ZNF362: variants seen among roughly 807,000 people sequenced by gnomAD.
ZNF362 encodes the protein zinc finger protein 362.
In ZNF362, 11 loss-of-function variants were observed where a neutral mutation model predicts 42.9. The observed-to-expected ratio is 0.26, with a 90% CI of 0.16 to 0.42. The LOEUF is 0.42. Among genes scored for constraint, ZNF362 ranks in the 20% least tolerant of loss-of-function variants. The pLI is 1.00. For missense variants in ZNF362, 362 were observed against 576.2 expected, an observed-to-expected ratio of 0.63 and a Z score of 3.81; for synonymous variants, 255 against 257.3, an observed-to-expected ratio of 0.99 and a Z score of 0.09.
At chr1:33,272,797 C>T (rs139196855) in intron 2 of ZNF362, among the ~76,000 whole-genome samples, 7 of 152,352 alleles carry the variant, frequency 4.6e-5, no homozygotes, top group African/African-American at 1.4e-4. Context: ...GCATTCAGTG[C>T]CCTGTGTCTC....
chr1:33,147,409 G>GCGCT, the ZNF362 span: 1 of 1,614,152 alleles, frequency 6.2e-7, no homozygotes. This position sits in a 1 kb window ranked among gnomAD's most constrained non-coding sequence, Gnocchi z 8.1. Flanking sequence ...CTCCGTGCAG[G>GCGCT]CGCTGTACTG....
At chr1:33,219,928 T>C in the ZNF362 span, among the ~76,000 whole-genome samples, 1 of 152,146 alleles carries the variant, frequency 6.6e-6, no homozygotes, top group Admixed American at 6.5e-5. Context: ...CTAGATACCC[T>C]TTTCCAGCTC....
the ZNF362 span, among the ~76,000 whole-genome samples, chr1:33,161,162 C>T: frequency 4.3e-3 from 657 of 152,324 alleles, 19 homozygotes; most frequent in East Asian, 0.08. The surrounding 1 kb of genome is among the most constrained non-coding windows in gnomAD (Gnocchi z 4.3). Flanking sequence ...CTCCAAGGCG[C>T]AGAGAAAGAG....
the ZNF362 span, among the ~76,000 whole-genome samples, chr1:33,177,759 C>T: frequency 2.6e-5 from 4 of 152,150 alleles, no homozygotes; most frequent in African/African-American, 7.2e-5. This position sits in a 1 kb window ranked among gnomAD's most constrained non-coding sequence, Gnocchi z 4.1. Context: ...CCCTGCACAA[C>T]AGTTATCTAG....
At chr1:33,243,753 C>T in the ZNF362 span, among the ~76,000 whole-genome samples, 1 of 150,514 alleles carries the variant, frequency 6.6e-6, no homozygotes, top group Non-Finnish European at 1.5e-5. Flanking sequence ...CCCACCACTA[C>T]AACTGGCCAA....
At chr1:33,162,038 A>G in the ZNF362 span, among the ~76,000 whole-genome samples, 10 of 151,996 alleles carry the variant, frequency 6.6e-5, no homozygotes, top group Non-Finnish European at 2.9e-5. Context: ...AGTCTCCCCA[A>G]CACATCCCTC....
the ZNF362 span, among the ~76,000 whole-genome samples, chr1:33,148,963 C>T: frequency 6.6e-6 from 1 of 152,162 alleles, no homozygotes; most frequent in African/African-American, 2.4e-5. Context: ...CCCAGCCAAC[C>T]TCTCACTTCT....
the ZNF362 span, among the ~76,000 whole-genome samples, chr1:33,249,486 C>T: frequency 6.6e-6 from 1 of 152,186 alleles, no homozygotes; most frequent in Non-Finnish European, 1.5e-5. Flanking sequence ...CCATTCATAT[C>T]TCTGCTTAAC....
chr1:33,184,784 A>G, the ZNF362 span, among the ~76,000 whole-genome samples: 1 of 151,890 alleles, frequency 6.6e-6, no homozygotes, highest in African/African-American at 2.4e-5. Flanking sequence ...AGCTGTTTTT[A>G]TTATTTATTT....
At chr1:33,158,361 C>T in the ZNF362 span, 2 of 1,613,452 alleles carry the variant, frequency 1.2e-6, no homozygotes, top group South Asian at 2.2e-5. Context: ...TGGATTTTTC[C>T]CTTGAGCCTG....
At chr1:33,217,206 C>G in the ZNF362 span, among the ~76,000 whole-genome samples, 1 of 152,186 alleles carries the variant, frequency 6.6e-6, no homozygotes, top group African/African-American at 2.4e-5. Context: ...CAGTGGAAAC[C>G]TGCTGCCTAA....
chr1:33,202,866 T>C, the ZNF362 span, among the ~76,000 whole-genome samples: 1 of 152,158 alleles, frequency 6.6e-6, no homozygotes, highest in Non-Finnish European at 1.5e-5. Context: ...TTATTGTATA[T>C]ATTTAAGGTA....
At chr1:33,241,941 A>G in the ZNF362 span, among the ~76,000 whole-genome samples, 3 of 152,360 alleles carry the variant, frequency 2.0e-5, no homozygotes, top group African/African-American at 7.2e-5. Flanking sequence ...AAGCAAGTTA[A>G]GCTGGACTCA....
the ZNF362 span, chr1:33,146,421 C>A: frequency 6.3e-6 from 1 of 159,584 alleles, no homozygotes; most frequent in Non-Finnish European, 1.4e-5. Context: ...TACTGGGGAC[C>A]TCGATCATCC....
chr1:33,179,192 G>A, the ZNF362 span, among the ~76,000 whole-genome samples: 1 of 152,360 alleles, frequency 6.6e-6, no homozygotes, highest in South Asian at 2.1e-4. Context: ...CAGCAGCAGC[G>A]CCTAAAACGA....
chr1:33,241,534 A>G, the ZNF362 span, among the ~76,000 whole-genome samples: 11 of 152,094 alleles, frequency 7.2e-5, no homozygotes, highest in Admixed American at 7.2e-4. Context: ...AATTTTTTAC[A>G]AAGTTATGTT....
At chr1:33,252,478 C>T (rs1271955995), upstream of ZNF362, among the ~76,000 whole-genome samples, 1 of 152,184 alleles carries the variant, frequency 6.6e-6, no homozygotes, top group African/African-American at 2.4e-5. Flanking sequence ...GAAGGGACTC[C>T]TCAGTCTAGG....
At chr1:33,232,235 A>C in the ZNF362 span, among the ~76,000 whole-genome samples, 1 of 151,880 alleles carries the variant, frequency 6.6e-6, no homozygotes, top group Non-Finnish European at 1.5e-5. Context: ...TACAGAAAAG[A>C]TTTTCTTCCT....
chr1:33,193,794 A>T, the ZNF362 span, among the ~76,000 whole-genome samples: 1 of 152,226 alleles, frequency 6.6e-6, no homozygotes, highest in Non-Finnish European at 1.5e-5. Context: ...ATGTTCATAA[A>T]GTTATTGCTT....
Sources: allele counts gnomAD v4.1 joint callset (sites outside exome capture counted in the v4.1 genomes callset), GRCh38; gene constraint gnomAD v4.1.1; non-coding constraint Gnocchi (gnomAD v3.1); transcripts MANE v1.5; gene names NCBI Gene and HGNC (gene_info 2026-07-23, HGNC 2026-07-21).